GRM5: variants seen among roughly 807,000 people sequenced by gnomAD.
The protein encoded by GRM5 is metabotropic glutamate receptor 5.
Under a neutral mutation model 83.1 loss-of-function variants are expected in GRM5, and 19 were observed. That is an observed-to-expected ratio of 0.23 (90% confidence interval 0.16 to 0.34). The LOEUF is 0.34. GRM5 is among the 10% of genes least tolerant of loss of function. The probability of loss-of-function intolerance (pLI) is 1.00; values close to 1 mark genes in which losing one functional copy is unlikely to be tolerated. For synonymous variants in GRM5, 675 were observed against 633.6 expected (o/e 1.07, Z -0.98); for missense variants, 1,160 against 1,588.3 (o/e 0.73, Z 4.58).
intron 1 of GRM5, among the ~76,000 whole-genome samples, chr11:89,053,316 A>C (rs1164763041): frequency 1.3e-5 from 2 of 152,198 alleles, no homozygotes; most frequent in East Asian, 3.9e-4. Flanking sequence ...CTATGAACTT[A>C]GATACCTGGA....
At chr11:88,517,203 A>C (rs1356511513) in intron 9 of GRM5, among the ~76,000 whole-genome samples, 1 of 152,022 alleles carries the variant, frequency 6.6e-6, no homozygotes, top group East Asian at 1.9e-4. Flanking sequence ...ATCTTTAAAA[A>C]TATCTGTGCA....
At chr11:88,953,197 T>C (rs1444081043) in intron 2 of GRM5, among the ~76,000 whole-genome samples, 4 of 152,204 alleles carry the variant, frequency 2.6e-5, no homozygotes, top group Admixed American at 2.0e-4. Flanking sequence ...GATTGAGGGT[T>C]TTGAGGAAAG....
chr11:88,564,460 TTATAAC>T (rs1443835480), intron 8 of GRM5, among the ~76,000 whole-genome samples: 1 of 152,200 alleles, frequency 6.6e-6, no homozygotes, highest in Non-Finnish European at 1.5e-5. Context: ...TAGAGAAACT[TTATAAC>T]TATAGTAAAG....
chr11:89,033,225 A>T (rs1183683648), intron 2 of GRM5, among the ~76,000 whole-genome samples: 1 of 152,038 alleles, frequency 6.6e-6, no homozygotes, highest in Admixed American at 6.6e-5. Flanking sequence ...GGATCTGTGT[A>T]TTTATAAAGG....
intron 4 of GRM5, among the ~76,000 whole-genome samples, chr11:88,644,999 T>C (rs980400121): frequency 6.6e-6 from 1 of 152,050 alleles, no homozygotes; most frequent in Non-Finnish European, 1.5e-5. Context: ...AAAGCATTAA[T>C]GTAAAGAAGT....
chr11:88,983,213 T>C (rs1456641176), intron 2 of GRM5, among the ~76,000 whole-genome samples: 1 of 152,210 alleles, frequency 6.6e-6, no homozygotes, highest in African/African-American at 2.4e-5. Flanking sequence ...CATAAATCTG[T>C]TGGATTATAT....
chr11:88,761,297 A>C (rs544344959), intron 3 of GRM5, among the ~76,000 whole-genome samples: 2 of 152,262 alleles, frequency 1.3e-5, no homozygotes, highest in East Asian at 3.9e-4. Context: ...TATACCTAGA[A>C]AACCCCATAG....
At chr11:88,807,261 C>T (rs936809329) in intron 3 of GRM5, among the ~76,000 whole-genome samples, 1 of 152,106 alleles carries the variant, frequency 6.6e-6, no homozygotes, top group African/African-American at 2.4e-5. Context: ...AACCTTCAGG[C>T]AACCTTAGAA....
chr11:88,656,563 C>T (rs771162663), intron 3 of GRM5, among the ~76,000 whole-genome samples: 1 of 152,080 alleles, frequency 6.6e-6, no homozygotes, highest in African/African-American at 2.4e-5. Context: ...ATACTACAAA[C>T]TTACAGTATC....
chr11:88,731,217 C>T (rs566944572), intron 3 of GRM5, among the ~76,000 whole-genome samples: 2 of 152,164 alleles, frequency 1.3e-5, no homozygotes, highest in South Asian at 4.2e-4. Context: ...CTGCCCACTT[C>T]TCCAGCTTCA....
At chr11:88,815,045 T>C (rs548955681) in intron 3 of GRM5, among the ~76,000 whole-genome samples, 24 of 152,294 alleles carry the variant, frequency 1.6e-4, no homozygotes, top group East Asian at 5.8e-4. Context: ...AATAAGAATA[T>C]AGTAGACTTG....
At chr11:88,787,368 A>T (rs1379642044) in intron 3 of GRM5, among the ~76,000 whole-genome samples, 2 of 152,192 alleles carry the variant, frequency 1.3e-5, no homozygotes, top group East Asian at 3.9e-4. Flanking sequence ...TAAAAAGGAG[A>T]GGATGTGGAA....
intron 2 of GRM5, among the ~76,000 whole-genome samples, chr11:88,894,277 G>T (rs948560662): frequency 2.6e-5 from 4 of 151,934 alleles, no homozygotes; most frequent in Admixed American, 1.3e-4. Flanking sequence ...CCTCAAACTG[G>T]ACTACAAAAT....
At position 88,844,389 on chromosome 11, in the gene GRM5, CAT is replaced by C. The variant is rs777826621; in HGVS notation, c.911+5515_911+5516del. 3.2e-3 allele frequency among the ~76,000 whole-genome samples: 461 copies of C among 145,328 alleles called. 1 individual carries two copies. Among genetic ancestry groups the C allele is most frequent in the African/African-American group, 0.011 (414 of 37,858 alleles). ...ACACACACACACACACACACACACA[CAT>C]ATATATATATACAAAAATCCTTTCA... On this transcript the variant is annotated intron_variant, in intron 3 of 9. Transcript: ENST00000305447.
rs537212811 is a variant in GRM5 at position 88,694,858 on chromosome 11, G to A, written c.912-41455C>T. ...GATTATTTCTCTTGTATATGTATATGCTAGGATGCTAAAGGACATCTACCA... is the reference window on the plus strand; with the variant it reads ...GATTATTTCTCTTGTATATGTATATACTAGGATGCTAAAGGACATCTACCA... On this transcript the variant is annotated intron_variant, in intron 3 of 9. Transcript: ENST00000305447. Among the ~76,000 whole-genome samples the A allele has an allele frequency of 1.4e-3, 219 of 152,214 alleles. 1 individual carries two copies. The highest frequency in any genetic ancestry group is 4.9e-3 in the African/African-American group (205 of 41,540).
At chr11:88,996,388 A>T (rs1281846998) in intron 2 of GRM5, among the ~76,000 whole-genome samples, 1 of 152,236 alleles carries the variant, frequency 6.6e-6, no homozygotes, top group Admixed American at 6.5e-5. Flanking sequence ...AACAATTCTG[A>T]CACTATCTAT....
intron 2 of GRM5, among the ~76,000 whole-genome samples, chr11:88,871,430 G>A (rs567902553): frequency 5.3e-5 from 8 of 151,722 alleles, no homozygotes; most frequent in African/African-American, 1.9e-4. Context: ...AGAATGGAAA[G>A]GTGCCCTATA....
chr11:89,055,570 C>T (rs1357042434), intron 1 of GRM5, among the ~76,000 whole-genome samples: 1 of 152,030 alleles, frequency 6.6e-6, no homozygotes, highest in African/African-American at 2.4e-5. Context: ...TGATTCATAG[C>T]AGACCTGGGA....
chr11:88,699,196 C>G (rs1440350304), intron 3 of GRM5, among the ~76,000 whole-genome samples: 1 of 152,110 alleles, frequency 6.6e-6, no homozygotes, highest in Non-Finnish European at 1.5e-5. Context: ...TATTCACATT[C>G]TTTACATGGG....
Sources: allele counts gnomAD v4.1 joint callset (sites outside exome capture counted in the v4.1 genomes callset), GRCh38; gene constraint gnomAD v4.1.1; transcripts MANE v1.5; gene names NCBI Gene and HGNC (gene_info 2026-07-23, HGNC 2026-07-21).